Variants in ZCCHC7 observed in about 807,000 individuals in gnomAD.
ZCCHC7 encodes the protein zinc finger CCHC-type containing 7.
A neutral mutation model predicts 52.0 loss-of-function variants in ZCCHC7; 35 were observed. The ratio of observed to expected loss-of-function variants is 0.67; its 90% CI spans 0.51 to 0.89. The LOEUF (loss-of-function observed/expected upper bound fraction) is 0.89. Ranked by LOEUF, ZCCHC7 falls within the 40% of genes least tolerant of loss-of-function variation. ZCCHC7 has a pLI of 0.00. For synonymous variants in ZCCHC7, 217 were observed against 221.5 expected, an observed-to-expected ratio of 0.98 and a Z score of 0.18; for missense variants, 574 against 649.1, an observed-to-expected ratio of 0.88 and a Z score of 1.26.
chr9:37,162,937 T>C (rs1048137972), intron 2 of ZCCHC7, among the ~76,000 whole-genome samples: 1 of 152,102 alleles, frequency 6.6e-6, no homozygotes, highest in Non-Finnish European at 1.5e-5. Flanking sequence ...GTACTGTGGC[T>C]CATGCCTGTA....
At chr9:37,152,801 C>A (rs571949205) in intron 2 of ZCCHC7, among the ~76,000 whole-genome samples, 9 of 152,166 alleles carry the variant, frequency 5.9e-5, no homozygotes, top group Admixed American at 1.3e-4. Context: ...ATTCTTTTTT[C>A]CCCCCTTCTT....
At chr9:37,284,196 C>T (rs965341017) in intron 2 of ZCCHC7, 6 of 152,030 alleles carry the variant, frequency 3.9e-5, no homozygotes, top group African/African-American at 9.7e-5. Context: ...AGAGAGAAAG[C>T]GACTTTGTTC....
At chr9:37,261,130 T>G (rs964797408) in intron 2 of ZCCHC7, among the ~76,000 whole-genome samples, 1 of 152,174 alleles carries the variant, frequency 6.6e-6, no homozygotes, top group African/African-American at 2.4e-5. Flanking sequence ...TCCCCCTTAA[T>G]CTTGTAATCT....
chr9:37,241,643 A>C (rs949030485), intron 2 of ZCCHC7, among the ~76,000 whole-genome samples: 1 of 151,830 alleles, frequency 6.6e-6, no homozygotes, highest in African/African-American at 2.4e-5. Flanking sequence ...ATCTTCTAAA[A>C]CACTCCATTT....
At chr9:37,129,627 G>A (rs980740294) in intron 2 of ZCCHC7, among the ~76,000 whole-genome samples, 1 of 152,108 alleles carries the variant, frequency 6.6e-6, no homozygotes, top group African/African-American at 2.4e-5. Context: ...CTTTAGAAAT[G>A]CCTATTGTTA....
Position 37,246,730 on chromosome 9 carries a change from C to T in ZCCHC7, c.611-55458C>T, listed in dbSNP as rs189189309. Among the ~76,000 whole-genome samples the T allele has an allele frequency of 1.2e-3, 176 of 152,106 alleles. 1 individual carries two copies. Among genetic ancestry groups the T allele is most frequent in the Non-Finnish European group, 1.4e-3 (94 of 67,962 alleles). The stretch of plus-strand genomic sequence containing the variant: ...TCTCGGTATCTACAGATTCAACTAA[C>T]CATGGGTGGAAAATATATTTGCAAG... On this transcript the variant is annotated intron_variant, in intron 2 of 8. Transcript: ENST00000336755.
rs1829195359 is a variant in ZCCHC7 at position 37,304,330 on chromosome 9, T to G, written c.780+17T>G. The G allele has an allele frequency of 6.2e-7, 1 of 1,611,490 alleles. No homozygotes were observed. Among genetic ancestry groups the G allele is most frequent in the African/African-American group, 1.3e-5 (1 of 74,914 alleles). On this transcript the variant is annotated intron_variant, in intron 4 of 8. Coordinates refer to ENST00000336755, the MANE Select transcript of ZCCHC7 (RefSeq NM_032226.3). ...TTACCACGAGTACGTGAAATATGCT[T>G]TGCTTCTTTCCACATTTGTAAACTC...
chr9:37,294,673 C>A (rs1828700043), intron 2 of ZCCHC7, among the ~76,000 whole-genome samples: 1 of 152,124 alleles, frequency 6.6e-6, no homozygotes. Context: ...CAATTCAGAA[C>A]AGTACTTATT....
intron 2 of ZCCHC7, among the ~76,000 whole-genome samples, chr9:37,251,966 G>A (rs1190149203): frequency 6.6e-6 from 1 of 151,930 alleles, no homozygotes; most frequent in African/African-American, 2.4e-5. Context: ...TCTTCCCTTT[G>A]TTCTTTCCCT....
intron 2 of ZCCHC7, among the ~76,000 whole-genome samples, chr9:37,159,442 T>C (rs1022614075): frequency 6.6e-6 from 1 of 152,206 alleles, no homozygotes; most frequent in African/African-American, 2.4e-5. Context: ...ATGTTAATTT[T>C]ATTTTAACTT....
intron 2 of ZCCHC7, among the ~76,000 whole-genome samples, chr9:37,214,312 A>G (rs1014093178): frequency 2.6e-5 from 4 of 152,064 alleles, no homozygotes; most frequent in Admixed American, 2.6e-4. Context: ...ATGTTAAGGA[A>G]ACATTATCCC....
intron 2 of ZCCHC7, among the ~76,000 whole-genome samples, chr9:37,163,400 A>AAAAAG (rs1421640893): frequency 1.3e-5 from 2 of 151,540 alleles, no homozygotes; most frequent in African/African-American, 4.8e-5. Flanking sequence ...AAAAAAAAAA[A>AAAAAG]AAAAGAAAAG....
intron 2 of ZCCHC7, among the ~76,000 whole-genome samples, chr9:37,251,400 G>A (rs1826322037): frequency 6.6e-6 from 1 of 152,082 alleles, no homozygotes; most frequent in Non-Finnish European, 1.5e-5. Context: ...GCTATTTGTT[G>A]AATTGTGTAC....
At chr9:37,267,478 C>A (rs1194032205) in intron 2 of ZCCHC7, among the ~76,000 whole-genome samples, 1 of 151,958 alleles carries the variant, frequency 6.6e-6, no homozygotes, top group African/African-American at 2.4e-5. Flanking sequence ...CAGCTCACTT[C>A]AGCCTCGACC....
chr9:37,322,615 A>T (rs1247462100), intron 5 of ZCCHC7, among the ~76,000 whole-genome samples: 1 of 150,798 alleles, frequency 6.6e-6, no homozygotes, highest in Non-Finnish European at 1.5e-5. Flanking sequence ...AACAACTAAA[A>T]ACATCGAGTA....
chr9:37,298,287 C>T (rs1283154131), intron 2 of ZCCHC7, among the ~76,000 whole-genome samples: 1 of 152,196 alleles, frequency 6.6e-6, no homozygotes, highest in African/African-American at 2.4e-5. Flanking sequence ...TGGGTCACCC[C>T]CATGACCTAG....
intron 2 of ZCCHC7, among the ~76,000 whole-genome samples, chr9:37,241,799 T>G (rs1172154907): frequency 1.3e-5 from 2 of 151,752 alleles, no homozygotes; most frequent in Non-Finnish European, 3.0e-5. Flanking sequence ...TCACTGATTT[T>G]TCTAGCTGCA....
rs869292704 is a variant in ZCCHC7 at position 37,306,762 on chromosome 9, C to CTTTTTTTTT, written c.951+1082_951+1090dup. Among the ~76,000 whole-genome samples the CTTTTTTTTT allele has an allele frequency of 4.6e-4, 24 of 52,032 alleles. 7 individuals are homozygous for CTTTTTTTTT. Among genetic ancestry groups the CTTTTTTTTT allele is most frequent in the East Asian group, 1.4e-3 (2 of 1,458 alleles). 34.1% of individuals were successfully genotyped at this position (52,032 alleles called of 152,430 possible). ...ACAGGCATGAGCCACTGTACCCGAC[C>CTTTTTTTTT]TTTTTTTTTTTTTTTTTTTTTTTTT... On this transcript the variant is annotated intron_variant, in intron 5 of 8. Transcript: ENST00000336755.
chr9:37,181,494 A>G (rs7860789), intron 2 of ZCCHC7, among the ~76,000 whole-genome samples: 2 of 152,250 alleles, frequency 1.3e-5, no homozygotes, highest in South Asian at 2.1e-4. Context: ...ATAAATTGAC[A>G]TACAAAATGT....
Sources: allele counts gnomAD v4.1 joint callset (sites outside exome capture counted in the v4.1 genomes callset), GRCh38; gene constraint gnomAD v4.1.1; transcripts MANE v1.5; gene names NCBI Gene and HGNC (gene_info 2026-07-23, HGNC 2026-07-21).